Variants in CARMIL1 observed in about 807,000 individuals in gnomAD.
CARMIL1 encodes the protein capping protein regulator and myosin 1 linker 1.
CARMIL1 carries 90 observed loss-of-function variants against 177.1 expected under a neutral mutation model. The ratio of observed to expected loss-of-function variants is 0.51; its 90% CI spans 0.43 to 0.61. CARMIL1 has a LOEUF of 0.61. Ranked by LOEUF, CARMIL1 falls within the 20% of genes least tolerant of loss-of-function variation. The pLI, the probability that CARMIL1 is intolerant of heterozygous loss-of-function variation, is 0.00. For missense variants in CARMIL1, 1,380 were observed against 1,667.0 expected (o/e 0.83, Z 3.00); for synonymous variants, 577 against 606.2 (o/e 0.95, Z 0.71).
intron 2 of CARMIL1, among the ~76,000 whole-genome samples, chr6:25,314,754 T>C (rs1784143714): frequency 6.6e-6 from 1 of 152,182 alleles, no homozygotes; most frequent in Non-Finnish European, 1.5e-5. Context: ...GACCTGGCTA[T>C]GATACAGATG....
Position 25,600,399 on chromosome 6 carries a change from G to A in CARMIL1, c.3205G>A (p.Gly1069Ser), listed in dbSNP as rs746025153. ...AAAGCGAGATTCTCGGAAAAGTAGT[G>A]GCTTTCTCAATTTAATCAAATCCCG... ...KKKRDSRKSS[G>S]FLNLIKSRSK... The change falls in exon 33 of 37, where the codon GGC (glycine) becomes AGC (serine). Residue 1069 changes from glycine (G) to serine (S), a missense_variant. By Grantham distance (56) the Gly-to-Ser change is moderately conservative. Coordinates refer to ENST00000329474, the MANE Select transcript of CARMIL1 (RefSeq NM_017640.6). 1.1e-5 allele frequency: 17 copies of A among 1,613,954 alleles called. No individual in the cohort carries two copies. The South Asian group carries it at 1.8e-4, about 17-fold the overall frequency.
rs201406598 is a variant in CARMIL1 at position 25,537,939 on chromosome 6, A to C, written c.2152A>C (p.Lys718Gln). ...GGGAGACGCTATCCAGGAAGATTTA[A>C]AATCAGCAGAGCGGCTCATGCGTGA... ...CGGDAIQEDL[K>Q]SAERLMRDAK... is the part of the protein sequence containing the mutation. The change falls in exon 25 of 37, where the codon AAA becomes CAA. Residue 718 changes from lysine to glutamine, a missense_variant. By Grantham distance (53) the Lys-to-Gln change is moderately conservative. Transcript: ENST00000329474. 2.1e-4 allele frequency: 336 copies of C among 1,605,812 alleles called. No homozygotes were observed. The highest frequency in any genetic ancestry group is 2.8e-4 in the Non-Finnish European group (328 of 1,176,210).
At chr6:25,611,174 C>T (rs1359008259) in intron 36 of CARMIL1, among the ~76,000 whole-genome samples, 2 of 152,168 alleles carry the variant, frequency 1.3e-5, no homozygotes, top group East Asian at 1.9e-4. Context: ...ATAACACTGC[C>T]TGCTTTCTTA....
At chr6:25,471,462 T>G (rs1260155120) in intron 10 of CARMIL1, among the ~76,000 whole-genome samples, 1 of 152,124 alleles carries the variant, frequency 6.6e-6, no homozygotes, top group Non-Finnish European at 1.5e-5. Context: ...CGGTGTCACT[T>G]GATATTTTTG....
At chr6:25,549,839 C>T (rs1489876857) in intron 26 of CARMIL1, among the ~76,000 whole-genome samples, 1 of 152,174 alleles carries the variant, frequency 6.6e-6, no homozygotes, top group Non-Finnish European at 1.5e-5. Flanking sequence ...TCTTCGAAAT[C>T]AGATTAATAA....
At chr6:25,397,221 C>A (rs2149226) in intron 2 of CARMIL1, among the ~76,000 whole-genome samples, 20,748 of 151,926 alleles carry the variant, frequency 0.14, 1,644 homozygotes, top group East Asian at 0.32. Flanking sequence ...TCTTTTCCCC[C>A]AAAAAAACCC....
intron 8 of CARMIL1, among the ~76,000 whole-genome samples, chr6:25,458,049 A>G (rs567952479): frequency 6.6e-6 from 1 of 152,154 alleles, no homozygotes; most frequent in South Asian, 2.1e-4. Context: ...ATTAGTACTG[A>G]TAATAATAAC....
rs752187675 is a variant in CARMIL1, at chr6:25,606,061, T to C, written c.3635T>C (p.Val1212Ala). The change falls in exon 35 of 37, where the codon GTG becomes GCG. Residue 1212 changes from valine to alanine, a missense_variant and splice_region_variant. Coordinates refer to ENST00000329474, the MANE Select transcript of CARMIL1 (RefSeq NM_017640.6). ...TTTAAAGTGGCCTTTTTCATCTTAGTGCCTAAACTGCACCCAGGTCTTCCA... is the reference window on the plus strand; with the variant it reads ...TTTAAAGTGGCCTTTTTCATCTTAGCGCCTAAACTGCACCCAGGTCTTCCA... ...GVERSDGGGA[V>A]PKLHPGLPEN... The C allele has an allele frequency of 8.7e-6, 14 of 1,607,582 alleles. No homozygotes were observed. Among genetic ancestry groups the C allele is most frequent in the South Asian group, 4.4e-5 (4 of 89,944 alleles).
At chr6:25,457,621 G>A (rs1799656144) in intron 8 of CARMIL1, among the ~76,000 whole-genome samples, 1 of 152,222 alleles carries the variant, frequency 6.6e-6, no homozygotes, top group Non-Finnish European at 1.5e-5. Flanking sequence ...GCTATCGAAT[G>A]AATATGTCAG....
intron 32 of CARMIL1, among the ~76,000 whole-genome samples, chr6:25,597,103 G>A (rs1222373760): frequency 6.6e-6 from 1 of 152,104 alleles, no homozygotes; most frequent in Admixed American, 6.5e-5. Flanking sequence ...GCTGCATAAT[G>A]GCATGGCAGA....
intron 2 of CARMIL1, among the ~76,000 whole-genome samples, chr6:25,352,928 C>T (rs1463655831): frequency 6.6e-6 from 1 of 152,218 alleles, no homozygotes; most frequent in African/African-American, 2.4e-5. Context: ...ATGAAGCTCA[C>T]TTGATTTCAT....
chr6:25,314,900 T>A (rs1053383267), intron 2 of CARMIL1, among the ~76,000 whole-genome samples: 4 of 152,196 alleles, frequency 2.6e-5, no homozygotes, highest in Non-Finnish European at 5.9e-5. Flanking sequence ...GAGAGGGGAC[T>A]GAAAAAGTAT....
intron 2 of CARMIL1, among the ~76,000 whole-genome samples, chr6:25,293,540 A>G (rs79777227): frequency 0.082 from 12,389 of 151,224 alleles, 539 homozygotes; most frequent in South Asian, 0.11. Flanking sequence ...ACATGCCACC[A>G]TGCCGAATTT....
chr6:25,400,223 A>T (rs548719787), intron 2 of CARMIL1, among the ~76,000 whole-genome samples: 2 of 152,320 alleles, frequency 1.3e-5, no homozygotes, highest in East Asian at 3.9e-4. Flanking sequence ...AAATCATGCT[A>T]ACCTAGCACG....
rs370245851 is a variant in CARMIL1 at position 25,426,554 on chromosome 6, A to G, written c.243A>G (p.Ser81=). The change falls in exon 4 of 37, where the codon TCA becomes TCG. Residue 81 remains serine, a synonymous_variant. Coordinates refer to ENST00000329474, the MANE Select transcript of CARMIL1 (RefSeq NM_017640.6). ...TTCATGGCGTCGTTTGCAGCAAGTC[A>G]GCTCAGGTGAGTGTGAAAAATGGAT... ...LEIHGVVCSK[S]AQMIVETEKC... is the part of the protein sequence containing the mutation. 7.4e-6 allele frequency: 12 copies of G among 1,611,816 alleles called. No individual in the cohort carries two copies. The highest frequency in any genetic ancestry group is 1.3e-5 in the African/African-American group (1 of 74,802).
rs972573327 is a variant in CARMIL1, at chr6:25,450,288, T to G, written c.470-51T>G. 1.1e-5 allele frequency: 14 copies of G among 1,316,434 alleles called. No homozygotes were observed. In the East Asian group the frequency reaches 3.2e-4, roughly 30 times the overall value. 81.5% of individuals were successfully genotyped at this position (1,316,434 alleles called of 1,614,324 possible). On this transcript the variant is annotated intron_variant, in intron 6 of 36. Coordinates refer to ENST00000329474, the MANE Select transcript of CARMIL1 (RefSeq NM_017640.6). Reference sequence around the variant, plus strand: ...CATATTTAAGCTTTAAAATTTTAATTTAAACATCATTTTGCCAAAGACCTG... The same window carrying G: ...CATATTTAAGCTTTAAAATTTTAATGTAAACATCATTTTGCCAAAGACCTG...
At chr6:25,586,342 C>T (rs1309706729) in intron 31 of CARMIL1, among the ~76,000 whole-genome samples, 7 of 149,564 alleles carry the variant, frequency 4.7e-5, no homozygotes, top group Admixed American at 4.7e-4. Context: ...AGAGGCGCTC[C>T]TCACATCCCA....
rs1359565780 is a variant in CARMIL1, at chr6:25,600,625, A to ATTGCTGTC, written c.3431_3432insTTGCTGTC (p.Glu1144AspfsTer22). ...CAAGGGGAAGAAATAGGGAAGGTGG[A>ATTGCTGTC]ACGGAGTGACAGCAAGAGCAGCCCA... On this transcript the variant is annotated frameshift_variant, in exon 33 of 37. Transcript: ENST00000329474. LOFTEE classifies it high-confidence loss of function. The ATTGCTGTC allele has an allele frequency of 6.2e-7, 1 of 1,613,952 alleles. No homozygotes were observed. The highest frequency in any genetic ancestry group is 8.5e-7 in the Non-Finnish European group (1 of 1,179,858).
At chr6:25,458,314 A>G (rs1337197730) in intron 8 of CARMIL1, among the ~76,000 whole-genome samples, 1 of 151,864 alleles carries the variant, frequency 6.6e-6, no homozygotes, top group Non-Finnish European at 1.5e-5. Context: ...AATACATCTT[A>G]ATGCTCCACT....
Sources: allele counts gnomAD v4.1 joint callset (sites outside exome capture counted in the v4.1 genomes callset), GRCh38; gene constraint gnomAD v4.1.1; transcripts MANE v1.5; gene names NCBI Gene and HGNC (gene_info 2026-07-23, HGNC 2026-07-21).